The following TOLLIP variants were observed in gnomAD, a reference collection of about 807,000 sequenced individuals.
TOLLIP encodes toll interacting protein, also known as toll-interacting protein.
In TOLLIP, 16 loss-of-function variants were observed where a neutral mutation model predicts 33.5. The ratio of observed to expected loss-of-function variants is 0.48; its 90% CI spans 0.32 to 0.72. The LOEUF is 0.72. Ranked by LOEUF, TOLLIP falls within the 30% of genes least tolerant of loss-of-function variation. The probability of loss-of-function intolerance (pLI) is 0.03; values close to 1 mark genes in which losing one functional copy is unlikely to be tolerated. For synonymous variants in TOLLIP, 176 were observed against 163.7 expected (o/e 1.07, Z -0.57); for missense variants, 325 against 396.6 (o/e 0.82, Z 1.53).
At position 1,278,743 on chromosome 11, in the gene TOLLIP, G is replaced by A. The variant is rs1221502983; in HGVS notation, c.611-1490C>T. Among the ~76,000 whole-genome samples, 1 of 152,204 alleles carries A rather than the reference G, an allele frequency of 6.6e-6. No individual in the cohort carries two copies. The highest frequency in any genetic ancestry group is 1.9e-4 in the East Asian group (1 of 5,196). ...TCATCCCCATGCTCATCAGCCTTTC[G>A]GCAATGACGGAAAACGAACCGAACC... On this transcript the variant is annotated intron_variant, in intron 5 of 5. Transcript: ENST00000317204. The surrounding 1 kb of genome is among the most constrained non-coding windows in gnomAD (Gnocchi z 4.7).
At chr11:1,300,169 A>G (rs1378235491) in intron 1 of TOLLIP, among the ~76,000 whole-genome samples, 1 of 152,252 alleles carries the variant, frequency 6.6e-6, no homozygotes, top group Non-Finnish European at 1.5e-5. Flanking sequence ...AGCTCACAGC[A>G]TTTTATCTTC....
chr11:1,294,258 A>G lies in TOLLIP; in HGVS notation c.183+1387T>C, dbSNP rs111777511. On this transcript the variant is annotated intron_variant, in intron 2 of 5. Coordinates refer to ENST00000317204, the MANE Select transcript of TOLLIP (RefSeq NM_019009.4). The stretch of plus-strand genomic sequence containing the variant: ...TTCTACGAAAGCCCGCGTGGCTCAC[A>G]GTGTGTCTCCTTTCCCTGCATTTCT... Among the ~76,000 whole-genome samples the G allele has an allele frequency of 5.9e-3, 552 of 93,432 alleles. 3 individuals carry two copies. The highest frequency in any genetic ancestry group is 0.019 in the Middle Eastern group (3 of 154). The allele number at this position is 93,432 out of a possible 152,430, so 61.3% of individuals were successfully genotyped here.
Position 1,303,325 on chromosome 11 carries a change from G to C in TOLLIP, c.33+6141C>G, listed in dbSNP as rs954125395. Among the ~76,000 whole-genome samples the C allele has an allele frequency of 6.6e-6, 1 of 152,068 alleles. No homozygotes were observed. Among genetic ancestry groups the C allele is most frequent in the Non-Finnish European group, 1.5e-5 (1 of 68,022 alleles). ...GCCAGTCAAGCAGCAGGCCAAGGGC[G>C]GACAGAGATCCAGAGAGGGACGGCA... On this transcript the variant is annotated intron_variant, in intron 1 of 5. Transcript: ENST00000317204. This position sits in a 1 kb window ranked among gnomAD's most constrained non-coding sequence, Gnocchi z 4.2.
In TOLLIP at chr11:1,275,827, CTT is replaced by C. The variant is rs1863279662; in HGVS notation, c.*1210_*1211del. 6.6e-6 allele frequency: 1 copy of C among 152,198 alleles called. No individual in the cohort carries two copies. Among genetic ancestry groups the C allele is most frequent in the African/African-American group, 2.4e-5 (1 of 41,438 alleles). 9.4% of individuals were successfully genotyped at this position (152,198 alleles called of 1,614,324 possible). A position where few individuals can be genotyped will look rare whatever the true frequency, so the allele number is the denominator to read the frequency against. ...CAGAAGACCCACTTGTGGGCATTCT[CTT>C]TCTGTCCGTTATCAGTGGGTTTACA... is the stretch of plus-strand genomic sequence containing the variant. On this transcript the variant is annotated 3_prime_UTR_variant, in exon 6 of 6. Coordinates refer to ENST00000317204, the MANE Select transcript of TOLLIP (RefSeq NM_019009.4).
chr11:1,290,549 A>T lies in TOLLIP; in HGVS notation c.184-140T>A. On this transcript the variant is annotated intron_variant, in intron 2 of 5. Transcript: ENST00000317204. This position sits in a 1 kb window ranked among gnomAD's most constrained non-coding sequence, Gnocchi z 4.9. Reference sequence around the variant, plus strand: ...TACAGCCACTCAGAGTCGCCTGAACACGGCTGTGACCTGCTTCCCAGGAGG... The same window carrying T: ...TACAGCCACTCAGAGTCGCCTGAACTCGGCTGTGACCTGCTTCCCAGGAGG... 1 of 728,208 alleles carries T rather than the reference A, an allele frequency of 1.4e-6. No individual in the cohort carries two copies. The highest frequency in any genetic ancestry group is 2.3e-6 in the Non-Finnish European group (1 of 442,502). The allele number at this position is 728,208 out of a possible 1,614,324, so 45.1% of individuals were successfully genotyped here.
intron 2 of TOLLIP, 50 bp downstream of exon 2, chr11:1,295,595 C>A: frequency 6.9e-7 from 1 of 1,451,836 alleles, no homozygotes; most frequent in East Asian, 2.4e-5. Flanking sequence ...AATCCCACCC[C>A]CACCGAGCGC....
rs1448352812 is a variant in TOLLIP, at chr11:1,277,152, G to A, written c.712C>T (p.Gln238Ter). The change falls in exon 6 of 6, where the codon CAG becomes TAG. Residue 238 changes from glutamine (Q) to a stop codon, truncating the protein, a stop_gained. Transcript: ENST00000317204. LOFTEE classifies it high-confidence loss of function. This position sits in a 1 kb window ranked among gnomAD's most constrained non-coding sequence, Gnocchi z 4.2. ...TGGTCCATGTTGGGGAACATGTCCT[G>A]GATGGCTTTCAGGTCCTCCTCGCTA... ...RCSEEDLKAI[Q>*]DMFPNMDQEV... 1.9e-6 allele frequency: 3 copies of A among 1,613,572 alleles called. No homozygotes were observed. The highest frequency in any genetic ancestry group is 2.2e-5 in the South Asian group (2 of 91,076).
intron 1 of TOLLIP, among the ~76,000 whole-genome samples, chr11:1,301,833 C>T (rs574182993): frequency 6.6e-6 from 1 of 152,344 alleles, no homozygotes; most frequent in East Asian, 1.9e-4. Context: ...ACAGAGGAAG[C>T]TAATGAAACA....
Position 1,287,409 on chromosome 11 carries a change from G to C in TOLLIP, c.519+1215C>G, listed in dbSNP as rs556016353. Among the ~76,000 whole-genome samples, 84 of 110,988 alleles carry C rather than the reference G, an allele frequency of 7.6e-4. 4 individuals are homozygous for C. Among genetic ancestry groups the C allele is most frequent in the South Asian group, 1.9e-3 (6 of 3,216 alleles). 72.8% of individuals were successfully genotyped at this position (110,988 alleles called of 152,430 possible). On this transcript the variant is annotated intron_variant, in intron 4 of 5. Coordinates refer to ENST00000317204, the MANE Select transcript of TOLLIP (RefSeq NM_019009.4). ...TCCCTGCTGCTGCCTCCCCGCCGCA[G>C]CCTCCCCGCCGCACCCTCCCCGCCG...
At position 1,303,933 on chromosome 11, in the gene TOLLIP, G is replaced by A. The variant is rs1379182597; in HGVS notation, c.33+5533C>T. Among the ~76,000 whole-genome samples, 2 of 151,812 alleles carry A rather than the reference G, an allele frequency of 1.3e-5. No individual in the cohort carries two copies. Among genetic ancestry groups the A allele is most frequent in the South Asian group, 2.1e-4 (1 of 4,808 alleles). ...CGCCTGTAATCCCAGCTACTCGGGA[G>A]TCTGAGGCAGGAAAATCGCTTGAAC... is the stretch of plus-strand genomic sequence containing the variant. On this transcript the variant is annotated intron_variant, in intron 1 of 5. Coordinates refer to ENST00000317204, the MANE Select transcript of TOLLIP (RefSeq NM_019009.4). The surrounding 1 kb of genome is among the most constrained non-coding windows in gnomAD (Gnocchi z 4.2).
intron 5 of TOLLIP, among the ~76,000 whole-genome samples, chr11:1,281,711 G>A (rs763085247): frequency 3.3e-4 from 51 of 152,246 alleles, no homozygotes; most frequent in Non-Finnish European, 6.3e-4. Flanking sequence ...ACACAGGCCC[G>A]AAGCCACGCA....
intron 1 of TOLLIP, among the ~76,000 whole-genome samples, chr11:1,306,926 C>T (rs5743868): frequency 0.023 from 3,433 of 151,856 alleles, 54 homozygotes; most frequent in Non-Finnish European, 0.033. Flanking sequence ...AGAGATGTCA[C>T]GTCCTCACCC....
At position 1,290,372 on chromosome 11, in the gene TOLLIP, T is replaced by C. The variant is rs1863895299; in HGVS notation, c.221A>G (p.Asp74Gly). 1 of 1,613,100 alleles carries C rather than the reference T, an allele frequency of 6.2e-7. No individual in the cohort carries two copies. The highest frequency in any genetic ancestry group is 8.5e-7 in the Non-Finnish European group (1 of 1,179,748). The stretch of plus-strand genomic sequence containing the variant: ...GCCCAGGCGCAGTCGGCAGTAGGGG[T>C]CCATGCGGGTCATGCCGTAATTCTT... ...LAKNYGMTRM[D>G]PYCRLRLGYA... Residue 74 changes from aspartate to glycine, a missense_variant, in exon 3 of 6, where the codon GAC (aspartate) becomes GGC (glycine). Physicochemically the swap from Asp to Gly is moderately conservative, Grantham distance 94. Coordinates refer to ENST00000317204, the MANE Select transcript of TOLLIP (RefSeq NM_019009.4). This position sits in a 1 kb window ranked among gnomAD's most constrained non-coding sequence, Gnocchi z 4.9.
intron 1 of TOLLIP, among the ~76,000 whole-genome samples, chr11:1,306,914 C>T (rs188472459): frequency 1.3e-5 from 2 of 152,136 alleles, no homozygotes; most frequent in African/African-American, 2.4e-5. Flanking sequence ...ATTCCTCCTC[C>T]GAGAGATGTC....
chr11:1,308,366 G>C (rs1322961491), intron 1 of TOLLIP, among the ~76,000 whole-genome samples: 4 of 152,220 alleles, frequency 2.6e-5, no homozygotes, highest in African/African-American at 4.8e-5. Context: ...GCTCCCACTT[G>C]GCCTTCCGCC....
chr11:1,309,393 G>T, intron 1 of TOLLIP, 73 bp downstream of exon 1: 1 of 872,268 alleles, frequency 1.1e-6, no homozygotes, highest in Non-Finnish European at 1.5e-6. Context: ...CAGCTGAGCA[G>T]TAGCCCTGAC....
At position 1,276,183 on chromosome 11, in the gene TOLLIP, G is replaced by A. The variant is rs1863298000; in HGVS notation, c.*856C>T. 1 of 153,670 alleles carries A rather than the reference G, an allele frequency of 6.5e-6. No homozygotes were observed. The highest frequency in any genetic ancestry group is 2.0e-4 in the South Asian group (1 of 4,918). The allele number at this position is 153,670 out of a possible 1,614,324, so 9.5% of individuals were successfully genotyped here. ...CTGGCAGTGCCACCACACCCTCTCG[G>A]AATCATGCACAGTGCTGCCTCTATC... On this transcript the variant is annotated 3_prime_UTR_variant, in exon 6 of 6. Transcript: ENST00000317204.
intron 5 of TOLLIP, among the ~76,000 whole-genome samples, chr11:1,281,751 C>A (rs936653926): frequency 2.0e-5 from 3 of 152,274 alleles, no homozygotes; most frequent in Admixed American, 6.5e-5. Context: ...GCAGAGCACG[C>A]GGCACAGGCT....
chr11:1,302,738 A>G (rs985028879), intron 1 of TOLLIP: 21 of 985,474 alleles, frequency 2.1e-5, no homozygotes, highest in Admixed American at 6.1e-5. Flanking sequence ...CCTTGAGCAA[A>G]TAAGTGGCAT....
Sources: allele counts gnomAD v4.1 joint callset (sites outside exome capture counted in the v4.1 genomes callset), GRCh38; gene constraint gnomAD v4.1.1; non-coding constraint Gnocchi (gnomAD v3.1); transcripts MANE v1.5; gene names NCBI Gene and HGNC (gene_info 2026-07-23, HGNC 2026-07-21).